The following WDR72 variants were observed in gnomAD, a reference collection of about 807,000 sequenced individuals.
WDR72 encodes WD repeat-containing protein 72.
In WDR72, 120 loss-of-function variants were observed where a neutral mutation model predicts 124.2. The ratio of observed to expected loss-of-function variants is 0.97; its 90% CI spans 0.83 to 1.12. The LOEUF is 1.12. WDR72 is among the 50% of genes most tolerant of loss of function. The probability of loss-of-function intolerance (pLI) is 0.00; values close to 1 mark genes in which losing one functional copy is unlikely to be tolerated. For synonymous variants in WDR72, 452 were observed against 441.7 expected (o/e 1.02, Z -0.29); for missense variants, 1,387 against 1,278.8 (o/e 1.08, Z -1.29).
At chr15:53,553,107 C>T (rs1360793848) in intron 18 of WDR72, among the ~76,000 whole-genome samples, 2 of 152,076 alleles carry the variant, frequency 1.3e-5, no homozygotes, top group Non-Finnish European at 2.9e-5. Context: ...CAGAATACTA[C>T]ATTTTTAGAC....
intron 18 of WDR72, among the ~76,000 whole-genome samples, chr15:53,547,483 A>G (rs1165259566): frequency 6.6e-6 from 1 of 152,148 alleles, no homozygotes; most frequent in Non-Finnish European, 1.5e-5. Flanking sequence ...CTACTGGGTG[A>G]CAGAGCATGT....
At chr15:53,521,215 A>G (rs142128209) in intron 19 of WDR72, among the ~76,000 whole-genome samples, 59 of 152,264 alleles carry the variant, frequency 3.9e-4, no homozygotes, top group African/African-American at 1.3e-3. Context: ...AGTGTTTGCT[A>G]TGAGCTTATT....
At chr15:53,729,486 G>GA (rs34023714) in intron 2 of WDR72, among the ~76,000 whole-genome samples, 3,659 of 148,840 alleles carry the variant, frequency 0.025, 52 homozygotes, top group East Asian at 0.047. Flanking sequence ...TCTATCTAGT[G>GA]AAAAAAAAAC....
rs775641665 is a variant in WDR72 at position 53,616,204 on chromosome 15, A to C, written c.2002T>G (p.Leu668Val). 3.1e-6 allele frequency: 5 copies of C among 1,604,302 alleles called. No individual in the cohort carries two copies. Among genetic ancestry groups the C allele is most frequent in the Non-Finnish European group, 4.2e-6 (5 of 1,178,990 alleles). The change falls in exon 15 of 20, where the codon TTG becomes GTG. Residue 668 changes from leucine (L) to valine (V), a missense_variant. By Grantham distance (32) the Leu-to-Val change is conservative. Coordinates refer to ENST00000360509, the MANE Select transcript of WDR72 (RefSeq NM_182758.4). The part of the protein sequence containing the change: ...AKFCPRPFNV[L>V]PVKTKWSNVG... Reference sequence around the variant, plus strand: ...TTACTCCATTTTGTCTTCACAGGCAAGACATTAAAAGGTCTTGGGCAAAAT... The same window carrying C: ...TTACTCCATTTTGTCTTCACAGGCACGACATTAAAAGGTCTTGGGCAAAAT...
At chr15:53,593,730 C>G (rs760850461) in intron 18 of WDR72, among the ~76,000 whole-genome samples, 3 of 151,272 alleles carry the variant, frequency 2.0e-5, no homozygotes, top group Non-Finnish European at 4.4e-5. Flanking sequence ...CCATTGCACT[C>G]TAGCCTGGGT....
At chr15:53,533,118 G>T (rs892105481) in intron 18 of WDR72, among the ~76,000 whole-genome samples, 91 of 152,090 alleles carry the variant, frequency 6.0e-4, no homozygotes, top group African/African-American at 2.1e-3. Context: ...AGCCCATGAG[G>T]ACTCCACACT....
intron 18 of WDR72, among the ~76,000 whole-genome samples, chr15:53,530,614 G>T (rs1229222260): frequency 2.0e-5 from 3 of 151,952 alleles, no homozygotes; most frequent in Non-Finnish European, 2.9e-5. Flanking sequence ...TCAGTAAAGG[G>T]AAAATTCTAG....
intron 14 of WDR72, among the ~76,000 whole-genome samples, chr15:53,630,740 C>T (rs1325280784): frequency 2.6e-5 from 4 of 152,024 alleles, no homozygotes; most frequent in African/African-American, 9.7e-5. Context: ...GTGGAAAATC[C>T]ACACCTAACA....
At chr15:53,726,264 G>GTGTATATATATA (rs1555428779) in intron 2 of WDR72, among the ~76,000 whole-genome samples, 1 of 110,358 alleles carries the variant, frequency 9.1e-6, no homozygotes, top group African/African-American at 4.6e-5. Flanking sequence ...ATGTATGTGT[G>GTGTATATATATA]TATATATATA....
intron 1 of WDR72, among the ~76,000 whole-genome samples, chr15:53,750,906 G>C (rs539763450): frequency 1.3e-5 from 2 of 152,296 alleles, no homozygotes; most frequent in African/African-American, 4.8e-5. Context: ...TGCTTCTTAT[G>C]AATGAGCAAA....
chr15:53,643,906 T>C (rs1206129425), intron 14 of WDR72, among the ~76,000 whole-genome samples: 1 of 152,162 alleles, frequency 6.6e-6, no homozygotes, highest in Non-Finnish European at 1.5e-5. Context: ...AAACAAAATG[T>C]ACAAAAGACT....
intron 6 of WDR72, 96 bp from the exon 7 acceptor site, chr15:53,712,987 C>T (rs1407280790): frequency 7.1e-7 from 1 of 1,417,176 alleles, no homozygotes; most frequent in Non-Finnish European, 9.8e-7. Context: ...GTAGATCACA[C>T]CATTATAAAA....
chr15:53,554,330 GA>G (rs950341274), intron 18 of WDR72, among the ~76,000 whole-genome samples: 134 of 147,550 alleles, frequency 9.1e-4, no homozygotes, highest in Non-Finnish European at 1.4e-3. Context: ...CCATAAATTG[GA>G]AAAAAAAAAC....
rs551225 is a variant in WDR72, at chr15:53,710,894, G to A, written c.917C>T (p.Pro306Leu). The A allele has an allele frequency of 0.46, 734,688 of 1,611,968 alleles. 173,557 individuals are homozygous for A. The highest frequency in any genetic ancestry group is 0.55 in the Middle Eastern group (3,351 of 6,058). The change falls in exon 9 of 20, where the codon CCT becomes CTT. Residue 306 changes from proline (P) to leucine (L), a missense_variant. Pro to Leu is a moderately conservative substitution (Grantham distance 98). Transcript: ENST00000360509. ...DGRVLKETIY[P>L]HLLCSTSVQE... ...CACAGAAGTAGAGCACAGTAAATGAGGATAAATGGTCTCTTTAAGCACTCT... is the reference window on the plus strand; with the variant it reads ...CACAGAAGTAGAGCACAGTAAATGAAGATAAATGGTCTCTTTAAGCACTCT...
At chr15:53,613,889 C>G in intron 15 of WDR72, 132 bp from the exon 16 acceptor site, 1 of 620,944 alleles carries the variant, frequency 1.6e-6, no homozygotes, top group South Asian at 1.9e-5. Flanking sequence ...TTAGCAATAT[C>G]TTTCACATCA....
Position 53,681,969 on chromosome 15 carries a change from T to A in WDR72, c.1766-16201A>T, listed in dbSNP as rs145872917. Among the ~76,000 whole-genome samples the A allele has an allele frequency of 1.4e-4, 22 of 152,312 alleles. No individual in the cohort carries two copies. In the East Asian group the frequency reaches 4.2e-3, roughly 29 times the overall value. On this transcript the variant is annotated intron_variant, in intron 13 of 19. Transcript: ENST00000360509. Reference sequence around the variant, plus strand: ...ATAGAAATGTTTATATAAAGTATAATCCTGTAATAAAATGTAGGTAATTCT... The same window carrying A: ...ATAGAAATGTTTATATAAAGTATAAACCTGTAATAAAATGTAGGTAATTCT...
chr15:53,635,538 C>T (rs2014590896), intron 14 of WDR72, among the ~76,000 whole-genome samples: 1 of 152,104 alleles, frequency 6.6e-6, no homozygotes, highest in Admixed American at 6.5e-5. Context: ...AGTGGAGTTT[C>T]AAATGCTGCT....
intron 18 of WDR72, among the ~76,000 whole-genome samples, chr15:53,558,014 T>C (rs1003698159): frequency 6.6e-6 from 1 of 151,882 alleles, no homozygotes; most frequent in Non-Finnish European, 1.5e-5. Context: ...TCGTTGATGC[T>C]GAAACAGGGG....
chr15:53,686,567 C>T (rs2016633881), intron 13 of WDR72, among the ~76,000 whole-genome samples: 1 of 151,676 alleles, frequency 6.6e-6, no homozygotes, highest in Admixed American at 6.6e-5. Context: ...AAAGCAAGTC[C>T]TGAGTGACCT....
Sources: allele counts gnomAD v4.1 joint callset (sites outside exome capture counted in the v4.1 genomes callset), GRCh38; gene constraint gnomAD v4.1.1; transcripts MANE v1.5; gene names NCBI Gene and HGNC (gene_info 2026-07-23, HGNC 2026-07-21).